Variants in ZNF248 observed in about 807,000 individuals in gnomAD.
The protein encoded by ZNF248 is zinc finger protein 248, also known as KRAB protein domain.
In ZNF248, 20 loss-of-function variants were observed where a neutral mutation model predicts 44.3. That is an observed-to-expected ratio of 0.45 (90% CI 0.32 to 0.66). ZNF248 has a LOEUF of 0.66. ZNF248 is among the 30% of genes least tolerant of loss of function. The pLI is 0.04. For missense variants in ZNF248, 654 were observed against 677.0 expected (o/e 0.97, Z 0.38); for synonymous variants, 224 against 229.0 (o/e 0.98, Z 0.20).
At chr10:37,850,349 A>C (rs1297092099) in intron 3 of ZNF248, among the ~76,000 whole-genome samples, 1 of 152,242 alleles carries the variant, frequency 6.6e-6, no homozygotes, top group Non-Finnish European at 1.5e-5. Flanking sequence ...AAAAAATAGC[A>C]GAGTCAGTCA....
At chr10:37,795,189 T>A (rs1247658877) in intron 6 of ZNF248, 1 of 152,232 alleles carries the variant, frequency 6.6e-6, no homozygotes, top group Non-Finnish European at 1.5e-5. Flanking sequence ...TACAGTAGAA[T>A]GTGATGGTTC....
intron 3 of ZNF248, among the ~76,000 whole-genome samples, chr10:37,852,617 G>T (rs1174713776): frequency 1.3e-5 from 2 of 151,188 alleles, no homozygotes; most frequent in African/African-American, 4.9e-5. Flanking sequence ...CTGGGTGACA[G>T]AATAAGACCC....
chr10:37,796,697 C>CTT (rs200137373), intron 6 of ZNF248, among the ~76,000 whole-genome samples: 2 of 141,672 alleles, frequency 1.4e-5, no homozygotes, highest in East Asian at 2.0e-4. Context: ...TCTAGGTTAC[C>CTT]TTTTTTTTTT....
At chr10:37,769,022 A>G in the ZNF248 span, among the ~76,000 whole-genome samples, 4 of 152,234 alleles carry the variant, frequency 2.6e-5, no homozygotes, top group African/African-American at 9.7e-5. Context: ...GAAAATCTAG[A>G]AGAAATGGAA....
intron 6 of ZNF248, chr10:37,794,280 A>G (rs1219002110): frequency 6.6e-6 from 1 of 152,550 alleles, no homozygotes; most frequent in African/African-American, 2.4e-5. Flanking sequence ...GAATTCTCTG[A>G]CATTTAGTAA....
chr10:37,791,666 A>T (rs2048566847), intron 6 of ZNF248: 1 of 152,224 alleles, frequency 6.6e-6, no homozygotes, highest in Non-Finnish European at 1.5e-5. Context: ...AACAAAAGAC[A>T]AAAAGAAGAA....
intron 3 of ZNF248, among the ~76,000 whole-genome samples, chr10:37,851,949 T>C (rs747971577): frequency 5.3e-5 from 8 of 152,036 alleles, no homozygotes; most frequent in Non-Finnish European, 1.0e-4. Context: ...GGTGGATGAT[T>C]AAACTGTGAT....
chr10:37,807,586 A>G (rs1431689252), intron 6 of ZNF248, among the ~76,000 whole-genome samples: 1 of 152,100 alleles, frequency 6.6e-6, no homozygotes, highest in Non-Finnish European at 1.5e-5. Flanking sequence ...ATCTCCATTT[A>G]CTCTTTAATG....
intron 6 of ZNF248, among the ~76,000 whole-genome samples, chr10:37,813,914 G>C (rs879102548): frequency 6.6e-6 from 1 of 152,182 alleles, no homozygotes; most frequent in Non-Finnish European, 1.5e-5. Flanking sequence ...TTCGGACACA[G>C]ATTAGAACCT....
intron 3 of ZNF248, among the ~76,000 whole-genome samples, chr10:37,844,034 T>C (rs1448055014): frequency 1.3e-5 from 2 of 152,080 alleles, no homozygotes; most frequent in African/African-American, 2.4e-5. Flanking sequence ...ACTGCCCAAA[T>C]TCTAAGAATA....
At position 37,814,483 on chromosome 10, in the gene ZNF248, C is replaced by T. The variant is rs557600790; in HGVS notation, c.330+18542G>A. Among the ~76,000 whole-genome samples the T allele has an allele frequency of 8.1e-4, 123 of 152,284 alleles. 1 individual carries two copies. The highest frequency in any genetic ancestry group is 2.8e-3 in the African/African-American group (118 of 41,550). On this transcript the variant is annotated intron_variant, in intron 6 of 6. Coordinates refer to the ZNF248 transcript ENST00000615949. Reference sequence around the variant, plus strand: ...TGCATTTACCTTTATCAGATATCTTCATTTCTTTTATGGCATTAGTTTCTG... The same window carrying T: ...TGCATTTACCTTTATCAGATATCTTTATTTCTTTTATGGCATTAGTTTCTG...
chr10:37,849,097 C>T (rs911644464), intron 3 of ZNF248, among the ~76,000 whole-genome samples: 3 of 152,130 alleles, frequency 2.0e-5, no homozygotes, highest in Admixed American at 6.5e-5. Context: ...ACCAAGAACA[C>T]ACTGCCATGA....
rs150714792 is a variant in ZNF248, at chr10:37,777,141, G to T, written c.331-566C>A. ...ATTGAGAGCTCTAAACTGGAGGTAG[G>T]AAGTCATTCTAAGGGCTGCCTGCAC... On this transcript the variant is annotated intron_variant, in intron 6 of 6. Coordinates refer to the ZNF248 transcript ENST00000615949. 5.9e-5 allele frequency among the ~76,000 whole-genome samples: 9 copies of T among 152,200 alleles called. No homozygotes were observed. In the East Asian group the frequency reaches 1.7e-3, roughly 29 times the overall value.
chr10:37,831,995 G>A lies in ZNF248; in HGVS notation c.1360C>T (p.His454Tyr), dbSNP rs1177810169. ...TFCVKSNLTEHQRTHTGEKPY... is the reference protein window; with the variant it reads ...TFCVKSNLTEYQRTHTGEKPY... Reference sequence around the variant, plus strand: ...TTCTCCCCTGTGTGTGTTCTCTGATGTTCAGTGAGGTTTGACTTCACACAG... The same window carrying A: ...TTCTCCCCTGTGTGTGTTCTCTGATATTCAGTGAGGTTTGACTTCACACAG... Residue 454 changes from histidine (H) to tyrosine (Y), a missense_variant, in exon 6 of 6, where the codon CAT becomes TAT. His to Tyr is a moderately conservative substitution (Grantham distance 83). Transcript: ENST00000395867. 6.2e-7 allele frequency: 1 copy of A among 1,613,994 alleles called. No homozygotes were observed. The highest frequency in any genetic ancestry group is 2.2e-5 in the East Asian group (1 of 44,896).
intron 5 of ZNF248, among the ~76,000 whole-genome samples, chr10:37,836,637 C>T (rs2057237854): frequency 1.3e-5 from 2 of 152,100 alleles, no homozygotes; most frequent in Admixed American, 1.3e-4. Flanking sequence ...ACAGACTATA[C>T]CGTCATTCTT....
downstream of ZNF248, among the ~76,000 whole-genome samples, chr10:37,826,134 G>A (rs376256680): frequency 1.2e-4 from 18 of 152,114 alleles, no homozygotes; most frequent in African/African-American, 3.9e-4. Context: ...TGGTAATCGC[G>A]TATTGTAAAT....
chr10:37,763,249 G>A, the ZNF248 span, among the ~76,000 whole-genome samples: 1 of 152,222 alleles, frequency 6.6e-6, no homozygotes, highest in Admixed American at 6.5e-5. Context: ...GCAAGAAAGA[G>A]GGGATGATTG....
chr10:37,774,268 T>C (rs566348423), downstream of ZNF248, among the ~76,000 whole-genome samples: 23 of 152,280 alleles, frequency 1.5e-4, no homozygotes, highest in South Asian at 4.4e-3. Context: ...ACACAAAGAC[T>C]GTGGTTATTT....
chr10:37,770,913 G>A, the ZNF248 span, among the ~76,000 whole-genome samples: 1 of 152,050 alleles, frequency 6.6e-6, no homozygotes, highest in East Asian at 1.9e-4. Flanking sequence ...ATGAACTGAA[G>A]CAAATTTACA....
Sources: allele counts gnomAD v4.1 joint callset (sites outside exome capture counted in the v4.1 genomes callset), GRCh38; gene constraint gnomAD v4.1.1; transcripts MANE v1.5; gene names NCBI Gene and HGNC (gene_info 2026-07-23, HGNC 2026-07-21).